Variants in PTPRD observed in about 807,000 individuals in gnomAD.
PTPRD encodes receptor-type tyrosine-protein phosphatase delta.
A neutral mutation model predicts 214.5 loss-of-function variants in PTPRD; 34 were observed. That is an observed-to-expected ratio of 0.16 (90% confidence interval 0.12 to 0.21). The LOEUF is 0.21. PTPRD is among the 10% of genes least tolerant of loss of function. The probability of loss-of-function intolerance (pLI) is 1.00; values close to 1 mark genes in which losing one functional copy is unlikely to be tolerated. For missense variants in PTPRD, 2,545 were observed against 2,398.7 expected, an observed-to-expected ratio of 1.06 and a Z score of -1.27; for synonymous variants, 1,128 against 845.7, an observed-to-expected ratio of 1.33 and a Z score of -5.79.
chr9:8,739,174 T>C (rs2091278264), intron 11 of PTPRD, among the ~76,000 whole-genome samples: 1 of 152,212 alleles, frequency 6.6e-6, no homozygotes, highest in African/African-American at 2.4e-5. Flanking sequence ...ACAGCAAACC[T>C]GACAGAGGCT....
At chr9:9,836,362 T>A (rs1029679232) in intron 5 of PTPRD, among the ~76,000 whole-genome samples, 1 of 152,170 alleles carries the variant, frequency 6.6e-6, no homozygotes, top group Non-Finnish European at 1.5e-5. Flanking sequence ...TCAGAAGCTC[T>A]CATTCTCTAA....
At chr9:8,795,952 A>C (rs1311473441) in intron 11 of PTPRD, among the ~76,000 whole-genome samples, 1 of 152,228 alleles carries the variant, frequency 6.6e-6, no homozygotes, top group Non-Finnish European at 1.5e-5. Context: ...GTATAGTTAC[A>C]CTATGGAGCA....
At chr9:10,434,087 C>T (rs952321223) in intron 2 of PTPRD, among the ~76,000 whole-genome samples, 1 of 151,944 alleles carries the variant, frequency 6.6e-6, no homozygotes, top group East Asian at 1.9e-4. Flanking sequence ...CATCTTAATG[C>T]CCTTGACTAC....
intron 11 of PTPRD, among the ~76,000 whole-genome samples, chr9:8,887,032 CA>C: frequency 6.6e-6 from 1 of 152,310 alleles, no homozygotes; most frequent in Admixed American, 6.5e-5. Flanking sequence ...ACTCAATCCA[CA>C]AAATCATCTT....
At chr9:9,421,507 C>T (rs888922691) in intron 8 of PTPRD, among the ~76,000 whole-genome samples, 11 of 152,006 alleles carry the variant, frequency 7.2e-5, no homozygotes, top group African/African-American at 2.7e-4. Flanking sequence ...TGTGGTACTG[C>T]CAATTTCAAA....
intron 39 of PTPRD, among the ~76,000 whole-genome samples, 161 bp downstream of exon 39, chr9:8,375,775 C>T (rs2083060751): frequency 6.6e-6 from 1 of 152,158 alleles, no homozygotes; most frequent in East Asian, 1.9e-4. Flanking sequence ...TATGTCAAAT[C>T]CATCCTATTG....
chr9:10,319,765 T>C (rs2096519750), intron 3 of PTPRD, among the ~76,000 whole-genome samples: 1 of 151,838 alleles, frequency 6.6e-6, no homozygotes, highest in Non-Finnish European at 1.5e-5. Context: ...CAATAAAGAG[T>C]ACTTAAAGAG....
intron 3 of PTPRD, among the ~76,000 whole-genome samples, chr9:10,306,748 C>T (rs2096083918): frequency 6.6e-6 from 1 of 152,076 alleles, no homozygotes; most frequent in East Asian, 1.9e-4. Context: ...ATCAACAGCT[C>T]CTCATTGAGC....
chr9:9,015,478 T>G (rs1399958914), intron 11 of PTPRD, among the ~76,000 whole-genome samples: 3 of 152,148 alleles, frequency 2.0e-5, no homozygotes, highest in Non-Finnish European at 1.5e-5. Context: ...AGGGGAGGCA[T>G]GAATAATCCA....
At chr9:8,690,381 G>C (rs374292309) in intron 12 of PTPRD, among the ~76,000 whole-genome samples, 1 of 151,734 alleles carries the variant, frequency 6.6e-6, no homozygotes, top group African/African-American at 2.4e-5. Flanking sequence ...TAAAAAATTA[G>C]CCGGGCATGG....
chr9:10,314,574 G>C (rs2096369220), intron 3 of PTPRD, among the ~76,000 whole-genome samples: 1 of 151,852 alleles, frequency 6.6e-6, no homozygotes, highest in Admixed American at 6.6e-5. Context: ...CTGAAGTTTG[G>C]GAGAGAGCTC....
chr9:9,206,070 G>A (rs2099944697), intron 9 of PTPRD, among the ~76,000 whole-genome samples: 2 of 152,164 alleles, frequency 1.3e-5, no homozygotes, highest in South Asian at 2.1e-4. Flanking sequence ...GGAGATAATT[G>A]GGGGAAGAGT....
intron 11 of PTPRD, among the ~76,000 whole-genome samples, chr9:9,007,730 C>CATTT (rs2099485315): frequency 2.2e-5 from 3 of 135,988 alleles, no homozygotes; most frequent in East Asian, 2.2e-4. Context: ...TACTTGGATC[C>CATTT]TTTTTTTTTT....
At chr9:8,374,257 G>T (rs1292263449) in intron 39 of PTPRD, among the ~76,000 whole-genome samples, 1 of 151,526 alleles carries the variant, frequency 6.6e-6, no homozygotes, top group Non-Finnish European at 1.5e-5. Flanking sequence ...AACAATTCAT[G>T]TGTTTCATGT....
intron 3 of PTPRD, among the ~76,000 whole-genome samples, chr9:10,169,008 G>T (rs1485673031): frequency 1.3e-5 from 2 of 151,996 alleles, no homozygotes; most frequent in African/African-American, 4.8e-5. Context: ...TAACTTCTGG[G>T]AAATAATTCA....
chr9:10,124,085 C>G (rs1304202945), intron 3 of PTPRD, among the ~76,000 whole-genome samples: 1 of 152,170 alleles, frequency 6.6e-6, no homozygotes, highest in East Asian at 1.9e-4. Flanking sequence ...ATTTAGAGAA[C>G]TGGCCAGACT....
In PTPRD at chr9:8,315,842, T is replaced by TA. The variant is rs1821383632; in HGVS notation, c.*2031_*2032insT. The TA allele has an allele frequency of 4.4e-6, 1 of 224,812 alleles. No homozygotes were observed. Among genetic ancestry groups the TA allele is most frequent in the Non-Finnish European group, 8.9e-6 (1 of 112,694 alleles). The allele number at this position is 224,812 out of a possible 1,614,324, so 13.9% of individuals were successfully genotyped here. A position where few individuals can be genotyped will look rare whatever the true frequency, so the allele number is the denominator to read the frequency against. On this transcript the variant is annotated 3_prime_UTR_variant, in exon 46 of 46. Coordinates refer to ENST00000381196, the MANE Select transcript of PTPRD (RefSeq NM_002839.4). ...AACTCTTTAAGAGTTCCTTGGGTAT[T>TA]TTGAGGATTATTTAAAATCATGTAA...
intron 4 of PTPRD, among the ~76,000 whole-genome samples, chr9:9,941,553 C>T (rs1353279161): frequency 1.3e-5 from 2 of 152,158 alleles, no homozygotes; most frequent in African/African-American, 2.4e-5. Context: ...GAACTCCTGA[C>T]ATCAAGTGAT....
At chr9:10,543,615 G>T (rs1386858544) in intron 2 of PTPRD, among the ~76,000 whole-genome samples, 2 of 152,020 alleles carry the variant, frequency 1.3e-5, no homozygotes, top group Admixed American at 1.3e-4. Flanking sequence ...ACATTATGTT[G>T]TCTTAAGGCA....
Sources: gnomAD v4.1 joint callset for allele counts (sites outside exome capture counted in the v4.1 genomes callset) on GRCh38, gnomAD v4.1.1 for gene constraint, MANE v1.5 for transcripts, NCBI Gene and HGNC (gene_info 2026-07-23, HGNC 2026-07-21) for gene names.